Variants in PRKDC observed in about 807,000 individuals in gnomAD.
The protein encoded by PRKDC is protein kinase, DNA-activated, catalytic subunit.
In PRKDC, 82 loss-of-function variants were observed where a neutral mutation model predicts 486.9. The observed-to-expected ratio is 0.17, with a 90% CI of 0.14 to 0.20. The LOEUF is 0.20. Among genes scored for constraint, PRKDC ranks in the 10% least tolerant of loss-of-function variants. PRKDC has a pLI of 1.00. For missense variants in PRKDC, 4,504 were observed against 5,038.2 expected (o/e 0.89, Z 3.21); for synonymous variants, 1,895 against 1,837.0 (o/e 1.03, Z -0.81).
At chr8:47,901,334 C>T (rs553034179) in intron 27 of PRKDC, among the ~76,000 whole-genome samples, 43 of 151,906 alleles carry the variant, frequency 2.8e-4, no homozygotes, top group African/African-American at 9.2e-4. Context: ...ATTAGCCATG[C>T]GTAGTGGCGG....
chr8:47,891,311 CTTT>C (rs1399050517), intron 31 of PRKDC, among the ~76,000 whole-genome samples: 1 of 152,188 alleles, frequency 6.6e-6, no homozygotes, highest in Non-Finnish European at 1.5e-5. Flanking sequence ...GTTTCTAATT[CTTT>C]GTTTCCAACA....
intron 54 of PRKDC, among the ~76,000 whole-genome samples, chr8:47,846,373 G>A (rs1021568504): frequency 3.5e-5 from 5 of 144,450 alleles, no homozygotes; most frequent in Admixed American, 2.2e-4. Context: ...CTGAGGTCAC[G>A]CCACTGCACT....
Position 47,935,061 on chromosome 8 carries a change from G to GA in PRKDC, c.1448-4dup, listed in dbSNP as rs761407459. 5 of 1,471,760 alleles carry GA rather than the reference G, an allele frequency of 3.4e-6. No individual in the cohort carries two copies. The East Asian group carries it at 1.0e-4, about 30-fold the overall frequency. 91.2% of individuals were successfully genotyped at this position (1,471,760 alleles called of 1,614,324 possible). On this transcript the variant is annotated splice_polypyrimidine_tract_variant and splice_region_variant and intron_variant, in intron 13 of 85. Coordinates refer to ENST00000314191, the MANE Select transcript of PRKDC (RefSeq NM_006904.7). ...TATTCTGATTAAACCCTGATGCACT[G>GA]AAAAAAGAAAAAGAAAACAAAAATG...
rs192571648 is a variant in PRKDC at position 47,776,832 on chromosome 8, T to C, written c.12182+12A>G. The C allele has an allele frequency of 3.1e-6, 5 of 1,613,468 alleles. No individual in the cohort carries two copies. The highest frequency in any genetic ancestry group is 2.2e-5 in the East Asian group (1 of 44,888). On this transcript the variant is annotated intron_variant, in intron 85 of 85. Coordinates refer to ENST00000314191, the MANE Select transcript of PRKDC (RefSeq NM_006904.7). ...GTAGTCCGTTAGTTTTTTCCACATA[T>C]AAAAATCTTACCAAGTAATGACTGC...
At chr8:47,807,994 G>C (rs1204939783) in intron 68 of PRKDC, among the ~76,000 whole-genome samples, 1 of 152,154 alleles carries the variant, frequency 6.6e-6, no homozygotes, top group Non-Finnish European at 1.5e-5. Context: ...AAAGTGCTGG[G>C]ATTACAGGAG....
chr8:47,932,284 C>T (rs1448531901), intron 16 of PRKDC, among the ~76,000 whole-genome samples: 2 of 152,122 alleles, frequency 1.3e-5, no homozygotes, highest in Admixed American at 6.5e-5. Flanking sequence ...GAGGTTTCAC[C>T]GTGTTAGCCA....
chr8:47,784,963 T>C, intron 77 of PRKDC, 150 bp downstream of exon 77: 2 of 744,318 alleles, frequency 2.7e-6, no homozygotes, highest in Admixed American at 2.8e-5. Context: ...TGGATTTTCC[T>C]AATGATGAAA....
chr8:47,914,701 T>G (rs8178055), intron 23 of PRKDC, among the ~76,000 whole-genome samples: 6 of 151,052 alleles, frequency 4.0e-5, no homozygotes, highest in Non-Finnish European at 7.4e-5. Flanking sequence ...TTCAGGAGCC[T>G]GAGGCAGGAG....
intron 21 of PRKDC, 79 bp downstream of exon 21, chr8:47,927,114 CA>C (rs1410174440): frequency 4.4e-6 from 6 of 1,362,288 alleles, no homozygotes; most frequent in Non-Finnish European, 5.9e-6. Context: ...TCAGAAGTTA[CA>C]AAAATACAGT....
Position 47,896,386 on chromosome 8 carries a change from G to A in PRKDC, c.3598+775C>T, listed in dbSNP as rs577640193. On this transcript the variant is annotated intron_variant, in intron 30 of 85. Transcript: ENST00000314191. ...CCCCAGGCCAGGTGCAGTGGCTGAC[G>A]CCTGTAATCCCAGCACTTTGGGAGG... is the stretch of plus-strand genomic sequence containing the variant. Among the ~76,000 whole-genome samples the A allele has an allele frequency of 4.6e-5, 7 of 152,046 alleles. No individual in the cohort carries two copies. In the East Asian group the frequency reaches 7.8e-4, roughly 17 times the overall value.
chr8:47,807,030 C>T (rs1457321140), intron 69 of PRKDC, 107 bp downstream of exon 69: 5 of 1,139,094 alleles, frequency 4.4e-6, no homozygotes, highest in Non-Finnish European at 6.0e-6. Flanking sequence ...AAAATAACAC[C>T]TACCAATTAT....
chr8:47,882,690 C>A (rs1447796758), intron 36 of PRKDC, among the ~76,000 whole-genome samples: 1 of 152,224 alleles, frequency 6.6e-6, no homozygotes, highest in Non-Finnish European at 1.5e-5. Flanking sequence ...GTCTCACCAC[C>A]ACTCCTGCAA....
chr8:47,893,393 A>C lies in PRKDC; in HGVS notation c.3599-6T>G, dbSNP rs1273798929. 2 of 1,490,778 alleles carry C rather than the reference A, an allele frequency of 1.3e-6. No homozygotes were observed. Among genetic ancestry groups the C allele is most frequent in the Non-Finnish European group, 1.8e-6 (2 of 1,115,342 alleles). The allele number at this position is 1,490,778 out of a possible 1,614,324, so 92.3% of individuals were successfully genotyped here. A position where few individuals can be genotyped will look rare whatever the true frequency, so the allele number is the denominator to read the frequency against. ...CAAATTAGGGGATCTGTTGCCTTTA[A>C]AAAGAAACAAAATTAAAATGCACAC... is the stretch of plus-strand genomic sequence containing the variant. On this transcript the variant is annotated splice_polypyrimidine_tract_variant and splice_region_variant and intron_variant, in intron 30 of 85. Coordinates refer to ENST00000314191, the MANE Select transcript of PRKDC (RefSeq NM_006904.7).
Position 47,857,179 on chromosome 8 carries a change from A to G in PRKDC, c.6586T>C (p.Trp2196Arg). 1 of 1,613,938 alleles carries G rather than the reference A, an allele frequency of 6.2e-7. No homozygotes were observed. Among genetic ancestry groups the G allele is most frequent in the Non-Finnish European group, 8.5e-7 (1 of 1,179,852 alleles). Residue 2196 changes from tryptophan to arginine, a missense_variant, in exon 49 of 86, where the codon TGG (tryptophan) becomes CGG (arginine). By Grantham distance (101) the Trp-to-Arg change is moderately radical. Coordinates refer to ENST00000314191, the MANE Select transcript of PRKDC (RefSeq NM_006904.7). Reference protein sequence around the residue: ...VVEIVATILSWTGLATPTGVP... With the variant: ...VVEIVATILSRTGLATPTGVP... ...ACTGTTGGAGTGGCCAAGCCTGTCC[A>G]TGAAAGAATAGTGGCCACTATCTCA...
intron 71 of PRKDC, among the ~76,000 whole-genome samples, chr8:47,800,323 T>C (rs1453051241): frequency 4.6e-5 from 7 of 151,884 alleles, no homozygotes; most frequent in Admixed American, 6.6e-5. Context: ...ATGGATGAAA[T>C]TGGAAATCAT....
At chr8:47,817,772 G>A (rs2087481719) in intron 67 of PRKDC, among the ~76,000 whole-genome samples, 1 of 152,178 alleles carries the variant, frequency 6.6e-6, no homozygotes, top group Admixed American at 6.5e-5. Flanking sequence ...TAAAGATGGA[G>A]AAATAAACAT....
intron 18 of PRKDC, 107 bp from the exon 19 acceptor site, chr8:47,929,285 A>G: frequency 1.3e-6 from 1 of 758,634 alleles, no homozygotes; most frequent in South Asian, 1.6e-5. Flanking sequence ...ATTTCAAGTT[A>G]CCAACATCTA....
chr8:47,819,533 A>AG, intron 66 of PRKDC, 23 bp from the exon 67 acceptor site: 1 of 1,233,670 alleles, frequency 8.1e-7, no homozygotes, highest in Non-Finnish European at 1.1e-6. Flanking sequence ...AAAAAAAAAA[A>AG]AGGGCATTTA....
intron 74 of PRKDC, among the ~76,000 whole-genome samples, chr8:47,793,443 C>G (rs1260812514): frequency 2.0e-5 from 3 of 151,620 alleles, no homozygotes; most frequent in Non-Finnish European, 4.4e-5. Context: ...AGTTCGAGAC[C>G]AGCCTGGCCA....
Sources: allele counts gnomAD v4.1 joint callset (sites outside exome capture counted in the v4.1 genomes callset), GRCh38; gene constraint gnomAD v4.1.1; transcripts MANE v1.5; gene names NCBI Gene and HGNC (gene_info 2026-07-23, HGNC 2026-07-21).